The following SLC35D4 variants were observed in gnomAD, a reference collection of about 807,000 sequenced individuals.
SLC35D4 encodes the protein solute carrier family 35 member D4.
At chr18:23,351,152 A>G in the SLC35D4 span, among the ~76,000 whole-genome samples, 1 of 152,320 alleles carries the variant, frequency 6.6e-6, no homozygotes, top group African/African-American at 2.4e-5. Flanking sequence ...CACACCTGTA[A>G]TCCTAGCACT....
the SLC35D4 span, among the ~76,000 whole-genome samples, chr18:23,246,241 A>G: frequency 6.7e-6 from 1 of 150,150 alleles, no homozygotes; most frequent in Non-Finnish European, 1.5e-5. Context: ...ACTCCAGCCT[A>G]GGTGACAGAG....
At chr18:23,258,999 G>A in the SLC35D4 span, 1 of 124,858 alleles carries the variant, frequency 8.0e-6, no homozygotes, top group Admixed American at 7.6e-5. Context: ...TTTGGGTGGT[G>A]GGGGGAGGGA....
At chr18:23,340,209 T>C in the SLC35D4 span, among the ~76,000 whole-genome samples, 1 of 152,054 alleles carries the variant, frequency 6.6e-6, no homozygotes, top group African/African-American at 2.4e-5. Context: ...TGGTGGTGCG[T>C]GCCTATAGTC....
the SLC35D4 span, among the ~76,000 whole-genome samples, chr18:23,349,262 T>C: frequency 6.6e-6 from 1 of 152,366 alleles, no homozygotes; most frequent in South Asian, 2.1e-4. Context: ...GGGATTCTTA[T>C]TACACATATG....
the SLC35D4 span, among the ~76,000 whole-genome samples, chr18:23,301,261 G>A: frequency 6.6e-6 from 1 of 152,110 alleles, no homozygotes; most frequent in Non-Finnish European, 1.5e-5. Context: ...AATCAGCAAC[G>A]TTATTGAGAA....
At chr18:23,326,945 A>G in the SLC35D4 span, among the ~76,000 whole-genome samples, 2 of 152,230 alleles carry the variant, frequency 1.3e-5, no homozygotes, top group Non-Finnish European at 2.9e-5. Flanking sequence ...CTCCTGAATG[A>G]CTACTGGGTA....
chr18:23,424,863 A>T, the SLC35D4 span, among the ~76,000 whole-genome samples: 1 of 152,130 alleles, frequency 6.6e-6, no homozygotes, highest in Non-Finnish European at 1.5e-5. Flanking sequence ...CTACAAAAAC[A>T]AACAAACACG....
chr18:23,325,057 T>G, the SLC35D4 span, among the ~76,000 whole-genome samples: 9 of 152,038 alleles, frequency 5.9e-5, no homozygotes, highest in African/African-American at 2.2e-4. Flanking sequence ...CCGAGCCCCG[T>G]GTGTGTCTGT....
At chr18:23,341,360 A>G in the SLC35D4 span, among the ~76,000 whole-genome samples, 2 of 152,242 alleles carry the variant, frequency 1.3e-5, no homozygotes, top group African/African-American at 4.8e-5. Context: ...GGTGAGGACC[A>G]GAGACAGACA....
At chr18:23,378,831 C>T in the SLC35D4 span, among the ~76,000 whole-genome samples, 3 of 141,476 alleles carry the variant, frequency 2.1e-5, no homozygotes, top group Non-Finnish European at 3.3e-5. Flanking sequence ...AGACGTGAAG[C>T]GCTGACAAGA....
the SLC35D4 span, among the ~76,000 whole-genome samples, chr18:23,276,581 TATTTC>T: frequency 6.6e-6 from 1 of 152,082 alleles, no homozygotes; most frequent in Non-Finnish European, 1.5e-5. Context: ...GTGGTGCTGG[TATTTC>T]ATAGTTCTTC....
the SLC35D4 span, among the ~76,000 whole-genome samples, chr18:23,362,530 C>T: frequency 2.0e-5 from 3 of 152,054 alleles, no homozygotes; most frequent in African/African-American, 4.8e-5. Flanking sequence ...ACCTGGGAGG[C>T]GGAGGTTGCA....
the SLC35D4 span, among the ~76,000 whole-genome samples, chr18:23,362,939 T>C: frequency 8.5e-5 from 13 of 152,096 alleles, no homozygotes; most frequent in Non-Finnish European, 1.6e-4. Context: ...ATGATTTCTT[T>C]AGGTAAAAAT....
the SLC35D4 span, among the ~76,000 whole-genome samples, chr18:23,270,762 ACT>A: frequency 3.9e-5 from 6 of 152,114 alleles, no homozygotes; most frequent in Non-Finnish European, 5.9e-5. Context: ...TGTGTAAATT[ACT>A]CTTTCTTTAC....
the SLC35D4 span, among the ~76,000 whole-genome samples, chr18:23,431,025 G>A: frequency 4.0e-5 from 6 of 151,694 alleles, no homozygotes; most frequent in East Asian, 1.9e-4. Flanking sequence ...GTGGTGGTGC[G>A]CACATGTAGT....
chr18:23,277,692 T>C, the SLC35D4 span, among the ~76,000 whole-genome samples: 1 of 152,182 alleles, frequency 6.6e-6, no homozygotes, highest in Non-Finnish European at 1.5e-5. Context: ...CAACTCTGGA[T>C]ACCACAGAGG....
At chr18:23,261,474 T>C in the SLC35D4 span, among the ~76,000 whole-genome samples, 1 of 151,836 alleles carries the variant, frequency 6.6e-6, no homozygotes, top group Non-Finnish European at 1.5e-5. Flanking sequence ...ATACAAAAAA[T>C]TAACTGGGCA....
the SLC35D4 span, among the ~76,000 whole-genome samples, chr18:23,419,210 A>G: frequency 6.6e-6 from 1 of 152,180 alleles, no homozygotes; most frequent in African/African-American, 2.4e-5. Flanking sequence ...TTAGGAGGAT[A>G]TCTAGGTGAG....
At chr18:23,322,728 A>G in the SLC35D4 span, among the ~76,000 whole-genome samples, 4 of 152,354 alleles carry the variant, frequency 2.6e-5, no homozygotes, top group Admixed American at 2.0e-4. Flanking sequence ...GATGGGCTAT[A>G]AATTTACCAA....
Sources: allele counts gnomAD v4.1 joint callset (sites outside exome capture counted in the v4.1 genomes callset), GRCh38; gene constraint gnomAD v4.1.1; transcripts MANE v1.5; gene names NCBI Gene and HGNC (gene_info 2026-07-23, HGNC 2026-07-21).